The following RBMS3 variants were observed in gnomAD, a reference collection of about 807,000 sequenced individuals.
RBMS3 encodes the protein RNA-binding motif, single-stranded-interacting protein 3.
Under a neutral mutation model 66.8 loss-of-function variants are expected in RBMS3, and 27 were observed. The observed-to-expected ratio is 0.40, with a 90% CI of 0.30 to 0.56. The LOEUF (loss-of-function observed/expected upper bound fraction) is 0.56. Ranked by LOEUF, RBMS3 falls within the 20% of genes least tolerant of loss-of-function variation. RBMS3 has a pLI of 0.40. For synonymous variants in RBMS3, 188 were observed against 183.0 expected (o/e 1.03, Z -0.22); for missense variants, 513 against 549.5 (o/e 0.93, Z 0.66).
At chr3:29,692,173 G>A (rs1205335497) in intron 4 of RBMS3, among the ~76,000 whole-genome samples, 1 of 151,520 alleles carries the variant, frequency 6.6e-6, no homozygotes, top group Non-Finnish European at 1.5e-5. Flanking sequence ...GTAGAGATGG[G>A]GTTTCACCAT....
chr3:29,759,983 G>A (rs1379617290), intron 5 of RBMS3, among the ~76,000 whole-genome samples: 1 of 152,030 alleles, frequency 6.6e-6, no homozygotes, highest in Non-Finnish European at 1.5e-5. Context: ...GTCTCTAAAG[G>A]CTCACAGCAG....
intron 2 of RBMS3, among the ~76,000 whole-genome samples, chr3:29,450,669 TTATTCA>T (rs2041981312): frequency 1.3e-5 from 2 of 152,206 alleles, no homozygotes; most frequent in South Asian, 4.2e-4. Flanking sequence ...TTTGAATGCC[TTATTCA>T]TAGGGGTAAC....
intron 6 of RBMS3, chr3:29,766,827 A>G (rs1388570480): frequency 6.6e-6 from 1 of 152,000 alleles, no homozygotes; most frequent in Non-Finnish European, 1.5e-5. Context: ...GCAGATGAGA[A>G]GGAGAGACCA....
chr3:29,851,482 T>A (rs2058933857), intron 6 of RBMS3, among the ~76,000 whole-genome samples: 1 of 152,060 alleles, frequency 6.6e-6, no homozygotes, highest in African/African-American at 2.4e-5. Flanking sequence ...TCTTTAGGAC[T>A]TTTTCCATCT....
At chr3:29,479,666 C>T (rs774251049) in intron 2 of RBMS3, among the ~76,000 whole-genome samples, 1 of 152,030 alleles carries the variant, frequency 6.6e-6, no homozygotes, top group Admixed American at 6.6e-5. Context: ...TATTATTTAG[C>T]AAGAAAAGGG....
At chr3:29,553,698 A>C (rs1046904368) in intron 3 of RBMS3, among the ~76,000 whole-genome samples, 3 of 151,360 alleles carry the variant, frequency 2.0e-5, no homozygotes, top group African/African-American at 7.3e-5. Flanking sequence ...ATATAATATT[A>C]TTTGCATTCA....
chr3:29,749,738 G>T (rs1178936699), intron 5 of RBMS3, among the ~76,000 whole-genome samples: 4 of 152,054 alleles, frequency 2.6e-5, no homozygotes, highest in African/African-American at 9.7e-5. Context: ...TTTTCCAGAG[G>T]CCTTTTATTG....
intron 4 of RBMS3, among the ~76,000 whole-genome samples, chr3:29,675,245 C>T (rs1229180829): frequency 1.3e-5 from 2 of 152,134 alleles, no homozygotes; most frequent in Non-Finnish European, 2.9e-5. Context: ...GAAACTGGAT[C>T]CCTTCCTTAC....
intron 10 of RBMS3, among the ~76,000 whole-genome samples, chr3:29,924,406 C>G (rs1478917268): frequency 6.6e-6 from 1 of 150,750 alleles, no homozygotes; most frequent in Non-Finnish European, 1.5e-5. Context: ...TTTTTCAATT[C>G]TACATTGAAG....
chr3:29,834,853 A>G (rs1173989045), intron 6 of RBMS3, among the ~76,000 whole-genome samples: 2 of 152,006 alleles, frequency 1.3e-5, no homozygotes, highest in Non-Finnish European at 2.9e-5. Flanking sequence ...GGCCAAATGG[A>G]TTAAAACAAG....
At chr3:29,920,024 T>A (rs2060730368) in intron 10 of RBMS3, among the ~76,000 whole-genome samples, 1 of 152,212 alleles carries the variant, frequency 6.6e-6, no homozygotes, top group Admixed American at 6.5e-5. Context: ...TCTCTACTTT[T>A]TTTTTAACGT....
intron 2 of RBMS3, among the ~76,000 whole-genome samples, chr3:29,480,836 C>T (rs935165019): frequency 3.3e-5 from 5 of 152,136 alleles, no homozygotes; most frequent in Non-Finnish European, 7.4e-5. Flanking sequence ...AAAGCATGTA[C>T]ATTTCAGAGA....
chr3:29,484,318 A>G (rs1298321888), intron 2 of RBMS3, among the ~76,000 whole-genome samples: 1 of 152,132 alleles, frequency 6.6e-6, no homozygotes, highest in Non-Finnish European at 1.5e-5. Flanking sequence ...CACAGTTTTG[A>G]AGTGGGAAAT....
At chr3:29,293,972 T>C (rs2033037518) in intron 1 of RBMS3, among the ~76,000 whole-genome samples, 1 of 151,670 alleles carries the variant, frequency 6.6e-6, no homozygotes, top group African/African-American at 2.4e-5. Flanking sequence ...TTTTGCTTAG[T>C]TGTAAATTTA....
chr3:29,863,526 T>C (rs1419523066), intron 6 of RBMS3, among the ~76,000 whole-genome samples: 2 of 152,052 alleles, frequency 1.3e-5, no homozygotes, highest in Non-Finnish European at 2.9e-5. Context: ...CTTAGCAATG[T>C]CAGTAAATAT....
intron 13 of RBMS3, among the ~76,000 whole-genome samples, chr3:29,989,387 C>A (rs184337239): frequency 3.2e-4 from 49 of 152,126 alleles, no homozygotes; most frequent in African/African-American, 1.2e-3. Context: ...CCCTTCTTTC[C>A]CCTCTCCTGA....
intron 3 of RBMS3, among the ~76,000 whole-genome samples, chr3:29,524,606 TA>T: frequency 1.3e-5 from 2 of 151,352 alleles, no homozygotes; most frequent in South Asian, 2.1e-4. Context: ...TTTTGCATTT[TA>T]TTTATTTATT....
intron 1 of RBMS3, among the ~76,000 whole-genome samples, chr3:29,384,426 T>TAAGAAGAAGAAGAAGAAGAAG (rs1260902457): frequency 1.8e-4 from 17 of 93,430 alleles, no homozygotes; most frequent in African/African-American, 5.7e-4. Flanking sequence ...CCAATAATAA[T>TAAGAAGAAGAAGAAGAAGAAG]AATAATAATA....
chr3:29,588,074 C>T (rs2047595921), intron 4 of RBMS3, among the ~76,000 whole-genome samples: 2 of 151,960 alleles, frequency 1.3e-5, no homozygotes, highest in African/African-American at 4.8e-5. Flanking sequence ...ATGAAGGGTA[C>T]ATAGGCTCTC....
Sources: allele counts gnomAD v4.1 joint callset (sites outside exome capture counted in the v4.1 genomes callset), GRCh38; gene constraint gnomAD v4.1.1; transcripts MANE v1.5; gene names NCBI Gene and HGNC (gene_info 2026-07-23, HGNC 2026-07-21).